STON1: variants seen among roughly 807,000 people sequenced by gnomAD.
STON1 encodes stonin-1.
Under a neutral mutation model 60.9 loss-of-function variants are expected in STON1, and 79 were observed. The ratio of observed to expected loss-of-function variants is 1.30; its 90% confidence interval spans 1.08 to 1.56. The LOEUF is 1.56. Ranked by LOEUF, STON1 falls within the 40% of genes most tolerant of loss-of-function variation. The pLI, the probability that STON1 is intolerant of heterozygous loss-of-function variation, is 0.00. For missense variants in STON1, 1,166 were observed against 858.9 expected, an observed-to-expected ratio of 1.36 and a Z score of -4.47; for synonymous variants, 363 against 306.9, an observed-to-expected ratio of 1.18 and a Z score of -1.91.
intron 1 of STON1, among the ~76,000 whole-genome samples, chr2:48,577,333 A>C (rs1231139954): frequency 6.6e-6 from 1 of 152,024 alleles, no homozygotes; most frequent in African/African-American, 2.4e-5. Context: ...CTATAATCCC[A>C]GCACTTTGGG....
At chr2:48,575,954 C>T (rs1202244612) in intron 1 of STON1, among the ~76,000 whole-genome samples, 5 of 151,302 alleles carry the variant, frequency 3.3e-5, no homozygotes, top group Non-Finnish European at 7.4e-5. Flanking sequence ...GACAGGGTTT[C>T]ACCATGTTGG....
At chr2:48,578,887 G>A (rs1673705722) in intron 1 of STON1, among the ~76,000 whole-genome samples, 1 of 150,676 alleles carries the variant, frequency 6.6e-6, no homozygotes, top group Admixed American at 6.6e-5. Flanking sequence ...CACTGTGCCT[G>A]GCCTTAATTC....
intron 2 of STON1, among the ~76,000 whole-genome samples, chr2:48,590,584 G>A (rs914223629): frequency 1.3e-5 from 2 of 150,760 alleles, no homozygotes; most frequent in East Asian, 3.9e-4. Context: ...ATCATGGAAT[G>A]TTTGTAAAGC....
intron 1 of STON1, among the ~76,000 whole-genome samples, chr2:48,532,346 CTAAATAAATAAATAAA>C (rs10564346): frequency 3.0e-4 from 41 of 134,524 alleles, no homozygotes; most frequent in African/African-American, 3.9e-4. Flanking sequence ...AAGACTCTGT[CTAAATAAATAAATAAA>C]TAAATAAATA....
intron 1 of STON1, among the ~76,000 whole-genome samples, chr2:48,560,473 C>G (rs1454411247): frequency 6.6e-6 from 1 of 152,210 alleles, no homozygotes; most frequent in African/African-American, 2.4e-5. Context: ...GCCCACAGAA[C>G]ACAGATGCCA....
chr2:48,566,442 C>T (rs1228973344), intron 1 of STON1, among the ~76,000 whole-genome samples: 2 of 151,478 alleles, frequency 1.3e-5, no homozygotes, highest in Non-Finnish European at 2.9e-5. Context: ...TCCACCATGC[C>T]CGGCTAATTT....
intron 3 of STON1, among the ~76,000 whole-genome samples, chr2:48,593,162 T>C (rs1572652794): frequency 6.6e-6 from 1 of 151,986 alleles, no homozygotes; most frequent in Admixed American, 6.6e-5. Flanking sequence ...GTTGCCCAGG[T>C]TGGAGTGCAG....
At chr2:48,545,124 C>A (rs146083455) in intron 1 of STON1, among the ~76,000 whole-genome samples, 75 of 152,222 alleles carry the variant, frequency 4.9e-4, no homozygotes, top group Admixed American at 1.1e-3. Context: ...AAAAAATTAC[C>A]TTGTTTAAAA....
At chr2:48,557,955 G>A (rs1040055970) in intron 1 of STON1, among the ~76,000 whole-genome samples, 5 of 152,308 alleles carry the variant, frequency 3.3e-5, no homozygotes, top group South Asian at 2.1e-4. Flanking sequence ...AGGTGCGGTG[G>A]CTCATGCCTG....
rs772785869 is a variant in STON1, at chr2:48,581,695, C to T, written c.1062C>T (p.Tyr354=). Residue 354 remains tyrosine, a synonymous_variant, in exon 2 of 4, where the codon TAC becomes TAT. Coordinates refer to ENST00000404752, the MANE Select transcript of STON1 (RefSeq NM_006873.4). ...CTGTGAAGATTGAACATGTGTCTTA[C>T]ACAGAAAAAAGGAAATACCATTCTA... ...IHTVKIEHVS[Y]TEKRKYHSKT... is the part of the protein sequence containing the mutation. 8 of 1,610,464 alleles carry T rather than the reference C, an allele frequency of 5.0e-6. No individual in the cohort carries two copies. Among genetic ancestry groups the T allele is most frequent in the Non-Finnish European group, 5.1e-6 (6 of 1,179,090 alleles).
intron 1 of STON1, among the ~76,000 whole-genome samples, chr2:48,566,648 G>A (rs1227546927): frequency 2.6e-5 from 4 of 152,206 alleles, no homozygotes; most frequent in South Asian, 2.1e-4. Context: ...ATTACAAAAA[G>A]TGGGAAGGAG....
chr2:48,567,741 A>G (rs1217631147), intron 1 of STON1, among the ~76,000 whole-genome samples: 2 of 152,234 alleles, frequency 1.3e-5, no homozygotes, highest in African/African-American at 2.4e-5. Context: ...CAAGCCCTTA[A>G]GAAAATTCTT....
rs778346185 is a variant in STON1 at position 48,581,279 on chromosome 2, A to G, written c.646A>G (p.Ile216Val). Residue 216 changes from isoleucine (I) to valine (V), a missense_variant, in exon 2 of 4, where the codon ATT (isoleucine) becomes GTT (valine). Transcript: ENST00000404752. Reference protein sequence around the residue: ...MFSSRNKEMPIDQKSLNKCSL... With the variant: ...MFSSRNKEMPVDQKSLNKCSL... ...CTCATCAAGAAACAAGGAGATGCCT[A>G]TTGACCAAAAAAGCCTAAATAAGTG... The G allele has an allele frequency of 1.5e-5, 23 of 1,519,942 alleles. 1 individual carries two copies. The highest frequency in any genetic ancestry group is 2.8e-5 in the African/African-American group (2 of 71,760). The allele number at this position is 1,519,942 out of a possible 1,614,324, so 94.2% of individuals were successfully genotyped here.
chr2:48,559,440 G>A (rs920420857), intron 1 of STON1, among the ~76,000 whole-genome samples: 2 of 152,076 alleles, frequency 1.3e-5, no homozygotes, highest in African/African-American at 4.8e-5. Context: ...GCTCTCTGGG[G>A]CCTCTTTGAT....
At chr2:48,551,004 T>C (rs1166411830) in intron 1 of STON1, among the ~76,000 whole-genome samples, 1 of 151,332 alleles carries the variant, frequency 6.6e-6, no homozygotes, top group Non-Finnish European at 1.5e-5. Context: ...TTCTTTCTTT[T>C]ACTGGTTTCT....
In STON1 at chr2:48,570,426, G is replaced by A. The variant is rs139781469; in HGVS notation, c.-47-10161G>A. On this transcript the variant is annotated intron_variant, in intron 1 of 3. Coordinates refer to ENST00000404752, the MANE Select transcript of STON1 (RefSeq NM_006873.4). Reference sequence around the variant, plus strand: ...GTGTGCAAGTGCAACCTTTGTTCGTGTTTTGTGTGAACCCTCCTATTGCTG... The same window carrying A: ...GTGTGCAAGTGCAACCTTTGTTCGTATTTTGTGTGAACCCTCCTATTGCTG... Among the ~76,000 whole-genome samples the A allele has an allele frequency of 2.4e-3, 359 of 152,324 alleles. 3 individuals carry two copies. Among genetic ancestry groups the A allele is most frequent in the Non-Finnish European group, 3.9e-3 (265 of 68,022 alleles).
chr2:48,595,163 C>A (rs910315207), intron 3 of STON1, 65 bp from the exon 4 acceptor site: 2 of 1,257,550 alleles, frequency 1.6e-6, no homozygotes, highest in Non-Finnish European at 2.3e-6. Flanking sequence ...TAAAATAGGA[C>A]TGAAGAGGTG....
chr2:48,564,480 T>TTCTTCTTCTTCTTCCTCTTCTTC (rs1558604783), intron 1 of STON1, among the ~76,000 whole-genome samples: 1 of 32,480 alleles, frequency 3.1e-5, no homozygotes, highest in Admixed American at 2.9e-4. Flanking sequence ...CTTCTTCTTC[T>TTCTTCTTCTTCTTCCTCTTCTTC]TTCTTCTTCT....
In STON1 at chr2:48,582,301, A is replaced by G; in HGVS notation, c.1668A>G (p.Ser556=). ...ACATGGCCTCATTGGCGCAGAGGTCATCCTATGCTGGTTCCTTAAGGTCCT... is the reference window on the plus strand; with the variant it reads ...ACATGGCCTCATTGGCGCAGAGGTCGTCCTATGCTGGTTCCTTAAGGTCCT... ...FVNMASLAQR[S]SYAGSLRSCD... is the part of the protein sequence containing the mutation. The change falls in exon 2 of 4, where the codon TCA becomes TCG. Residue 556 remains serine, a synonymous_variant. Transcript: ENST00000404752. 1 of 1,614,220 alleles carries G rather than the reference A, an allele frequency of 6.2e-7. No individual in the cohort carries two copies. Among genetic ancestry groups the G allele is most frequent in the South Asian group, 1.1e-5 (1 of 91,088 alleles).
Sources: allele counts gnomAD v4.1 joint callset (sites outside exome capture counted in the v4.1 genomes callset), GRCh38; gene constraint gnomAD v4.1.1; transcripts MANE v1.5; gene names NCBI Gene and HGNC (gene_info 2026-07-23, HGNC 2026-07-21).